The following CCNY variants were observed in gnomAD, a reference collection of about 807,000 sequenced individuals.
The protein encoded by CCNY is cyclin-Y.
In CCNY, 19 loss-of-function variants were observed where a neutral mutation model predicts 42.8. The ratio of observed to expected loss-of-function variants is 0.44; its 90% CI spans 0.31 to 0.65. The LOEUF is 0.65. CCNY is among the 30% of genes least tolerant of loss of function. The pLI, the probability that CCNY is intolerant of heterozygous loss-of-function variation, is 0.07. For synonymous variants in CCNY, 165 were observed against 162.7 expected, an observed-to-expected ratio of 1.01 and a Z score of -0.11; for missense variants, 370 against 437.3, an observed-to-expected ratio of 0.85 and a Z score of 1.37.
At chr10:35,345,877 T>C (rs921064360) in intron 1 of CCNY, among the ~76,000 whole-genome samples, 2 of 152,248 alleles carry the variant, frequency 1.3e-5, no homozygotes, top group Non-Finnish European at 2.9e-5. Flanking sequence ...TGCATCTTTC[T>C]GAAGTCAGTG....
At chr10:35,545,388 C>T (rs968375442) in intron 7 of CCNY, among the ~76,000 whole-genome samples, 3 of 152,194 alleles carry the variant, frequency 2.0e-5, no homozygotes, top group Admixed American at 6.5e-5. Flanking sequence ...AGGCACTGGC[C>T]GGGTTAGTTC....
chr10:35,509,680 C>T (rs986655709), intron 3 of CCNY, among the ~76,000 whole-genome samples: 21 of 151,988 alleles, frequency 1.4e-4, no homozygotes, highest in Admixed American at 5.2e-4. Context: ...TCTCTGTGAC[C>T]CCTGGTGGTC....
At position 35,530,391 on chromosome 10, in the gene CCNY, C is replaced by T; in HGVS notation, c.579+148C>T. On this transcript the variant is annotated intron_variant, in intron 7 of 9. Coordinates refer to ENST00000374704, the MANE Select transcript of CCNY (RefSeq NM_145012.6). The surrounding 1 kb of genome is among the most constrained non-coding windows in gnomAD (Gnocchi z 4.3). ...GCATAAGCTTCAGTGTTGTCGTTCT[C>T]CTGGGAGAATAGAGGATAGATATCC... 3 of 927,284 alleles carry T rather than the reference C, an allele frequency of 3.2e-6. No individual in the cohort carries two copies. Among genetic ancestry groups the T allele is most frequent in the Admixed American group, 2.5e-5 (1 of 39,798 alleles). The allele number at this position is 927,284 out of a possible 1,614,324, so 57.4% of individuals were successfully genotyped here. A position where few individuals can be genotyped will look rare whatever the true frequency, so the allele number is the denominator to read the frequency against.
chr10:35,356,868 G>A (rs1196405880), intron 1 of CCNY, among the ~76,000 whole-genome samples: 1 of 152,108 alleles, frequency 6.6e-6, no homozygotes, highest in East Asian at 1.9e-4. Flanking sequence ...CACAATCCCT[G>A]AGTGGCTTCT....
Position 35,348,952 on chromosome 10 carries a change from A to G in CCNY, c.154+11745A>G, listed in dbSNP as rs143288539. ...ATATTTTGTAAGGGAGCATTGTAAC[A>G]GGAATCCAGTGACCCTTGAACAACA... is the stretch of plus-strand genomic sequence containing the variant. On this transcript the variant is annotated intron_variant, in intron 1 of 9. Coordinates refer to ENST00000374704, the MANE Select transcript of CCNY (RefSeq NM_145012.6). 2.0e-4 allele frequency among the ~76,000 whole-genome samples: 30 copies of G among 152,096 alleles called. No individual in the cohort carries two copies. The East Asian group carries it at 5.6e-3, about 28-fold the overall frequency.
intron 2 of CCNY, among the ~76,000 whole-genome samples, chr10:35,485,441 T>G (rs1322934811): frequency 6.6e-6 from 1 of 152,240 alleles, no homozygotes; most frequent in Non-Finnish European, 1.5e-5. Flanking sequence ...ATAGGTAGAT[T>G]TGGGCTGGGC....
intron 1 of CCNY, among the ~76,000 whole-genome samples, chr10:35,419,699 C>G (rs549041079): frequency 3.2e-4 from 49 of 151,996 alleles, no homozygotes; most frequent in Admixed American, 3.2e-3. Context: ...TCAATTAGTC[C>G]TACAGATTGA....
At chr10:35,442,102 G>GTA (rs1838682822) in intron 1 of CCNY, among the ~76,000 whole-genome samples, 1 of 152,162 alleles carries the variant, frequency 6.6e-6, no homozygotes, top group African/African-American at 2.4e-5. Flanking sequence ...GTGTACCTGG[G>GTA]TATAACACAT....
chr10:35,415,664 C>CG (rs140116225), intron 1 of CCNY, among the ~76,000 whole-genome samples: 1 of 152,296 alleles, frequency 6.6e-6, no homozygotes, highest in East Asian at 1.9e-4. Context: ...AGAAAGGATG[C>CG]GAGTCGAGAA....
chr10:35,543,974 AAG>A (rs1323581396), intron 7 of CCNY, among the ~76,000 whole-genome samples: 1 of 152,246 alleles, frequency 6.6e-6, no homozygotes, highest in African/African-American at 2.4e-5. Flanking sequence ...TAAGGATATA[AAG>A]AGAGAAAATA....
rs552213056 is a variant in CCNY at position 35,527,775 on chromosome 10, C to G, written c.401+1776C>G. Reference sequence around the variant, plus strand: ...TGTACAGATTGCCACCTGCATGTCTCTAGGTATGAGGAGGGATGCCCGTCT... The same window carrying G: ...TGTACAGATTGCCACCTGCATGTCTGTAGGTATGAGGAGGGATGCCCGTCT... On this transcript the variant is annotated intron_variant, in intron 5 of 9. Coordinates refer to ENST00000374704, the MANE Select transcript of CCNY (RefSeq NM_145012.6). Among the ~76,000 whole-genome samples, 115 of 152,340 alleles carry G rather than the reference C, an allele frequency of 7.5e-4. 1 individual carries two copies. In the South Asian group the frequency reaches 0.023, roughly 31 times the overall value.
intron 1 of CCNY, among the ~76,000 whole-genome samples, chr10:35,388,325 C>T (rs1046983461): frequency 6.6e-6 from 1 of 152,190 alleles, no homozygotes; most frequent in Non-Finnish European, 1.5e-5. Flanking sequence ...CCCAGATGAA[C>T]ACTTATATAT....
chr10:35,530,237 C>G lies in CCNY; in HGVS notation c.573C>G (p.Val191=). ...AGCTGACGGCTGAATGTGCCATCGT[C>G]ACCCTGGTGAGTGCCCTCAGGATGG... The part of the protein sequence containing the change: ...AAQLTAECAI[V]TLVYLERLLT... The change falls in exon 7 of 10, where the codon GTC becomes GTG. Residue 191 remains valine, a synonymous_variant. Coordinates refer to ENST00000374704, the MANE Select transcript of CCNY (RefSeq NM_145012.6). The surrounding 1 kb of genome is among the most constrained non-coding windows in gnomAD (Gnocchi z 4.3). 6.2e-7 allele frequency: 1 copy of G among 1,614,198 alleles called. No individual in the cohort carries two copies. The highest frequency in any genetic ancestry group is 8.5e-7 in the Non-Finnish European group (1 of 1,180,024).
At chr10:35,373,753 T>C (rs1836989473) in intron 1 of CCNY, among the ~76,000 whole-genome samples, 1 of 151,232 alleles carries the variant, frequency 6.6e-6, no homozygotes, top group African/African-American at 2.4e-5. Context: ...TGTATGAATA[T>C]AGTATATACA....
At chr10:35,476,898 A>G (rs945959585) in intron 1 of CCNY, among the ~76,000 whole-genome samples, 5 of 152,232 alleles carry the variant, frequency 3.3e-5, no homozygotes, top group Admixed American at 6.5e-5. Flanking sequence ...AGCAAGACTA[A>G]TAAAGAAGAA....
At position 35,371,784 on chromosome 10, in the gene CCNY, G is replaced by A. The variant is rs538154137; in HGVS notation, c.154+34577G>A. On this transcript the variant is annotated intron_variant, in intron 1 of 9. Coordinates refer to ENST00000374704, the MANE Select transcript of CCNY (RefSeq NM_145012.6). The stretch of plus-strand genomic sequence containing the variant: ...ACCAAGAAGGGTGGTCAGAGCTAGG[G>A]CAGGAACCGGGAGAAGCAGCCACAG... Among the ~76,000 whole-genome samples, 6 of 152,286 alleles carry A rather than the reference G, an allele frequency of 3.9e-5. No homozygotes were observed. The South Asian group carries it at 1.2e-3, about 32-fold the overall frequency.
intron 1 of CCNY, among the ~76,000 whole-genome samples, chr10:35,370,569 A>G (rs1836910506): frequency 6.6e-6 from 1 of 151,998 alleles, no homozygotes; most frequent in African/African-American, 2.4e-5. Context: ...TAGACCTTGG[A>G]TGATAATGAC....
intron 1 of CCNY, among the ~76,000 whole-genome samples, chr10:35,428,596 AG>A (rs1838319554): frequency 6.6e-6 from 1 of 152,018 alleles, no homozygotes; most frequent in South Asian, 2.1e-4. Context: ...GCAAGGGGTA[AG>A]GGTGAAGGCA....
Position 35,337,121 on chromosome 10 carries a change from T to TGGAGTCCTACCGGCC in CCNY, c.69_83dup (p.Glu24_Pro28dup). The TGGAGTCCTACCGGCC allele has an allele frequency of 1.9e-6, 3 of 1,592,454 alleles. No individual in the cohort carries two copies. Among genetic ancestry groups the TGGAGTCCTACCGGCC allele is most frequent in the Non-Finnish European group, 2.6e-6 (3 of 1,171,506 alleles). On this transcript the variant is annotated inframe_insertion, in exon 1 of 10. Transcript: ENST00000374704. ...CTCCGGAGGAATGCCCACTCCCGGCTGGAGTCCTACCGGCCAGACACGGAC... is the reference window on the plus strand; with the variant it reads ...CTCCGGAGGAATGCCCACTCCCGGCTGGAGTCCTACCGGCCGGAGTCCTACCGGCCAGACACGGAC...
Sources: gnomAD v4.1 joint callset for allele counts (sites outside exome capture counted in the v4.1 genomes callset) on GRCh38, gnomAD v4.1.1 for gene constraint, Gnocchi (gnomAD v3.1) non-coding constraint, MANE v1.5 for transcripts, NCBI Gene and HGNC (gene_info 2026-07-23, HGNC 2026-07-21) for gene names.